The following CAMKMT variants were observed in gnomAD, a reference collection of about 807,000 sequenced individuals.
CAMKMT encodes the protein calmodulin-lysine N-methyltransferase, also known as CaM KMT.
In CAMKMT, 53 loss-of-function variants were observed where a neutral mutation model predicts 48.0. The observed-to-expected ratio is 1.10, with a 90% CI of 0.89 to 1.39. The LOEUF (loss-of-function observed/expected upper bound fraction) is 1.39. Among genes scored for constraint, CAMKMT ranks in the 40% most tolerant of loss-of-function variants. The pLI is 0.00. For synonymous variants in CAMKMT, 165 were observed against 152.3 expected (o/e 1.08, Z -0.61); for missense variants, 428 against 402.7 (o/e 1.06, Z -0.54).
chr2:44,706,453 A>T (rs993065851), intron 5 of CAMKMT, 112 bp downstream of exon 5: 14 of 1,007,380 alleles, frequency 1.4e-5, no homozygotes, highest in Non-Finnish European at 2.2e-5. Context: ...GCTGCGGTCA[A>T]GCTGCCGGGT....
At chr2:44,747,555 G>T (rs1033325893) in intron 8 of CAMKMT, among the ~76,000 whole-genome samples, 4 of 152,222 alleles carry the variant, frequency 2.6e-5, no homozygotes, top group Admixed American at 6.5e-5. Context: ...ATAAAAATCA[G>T]TTGGTAAATA....
intron 3 of CAMKMT, among the ~76,000 whole-genome samples, chr2:44,409,013 A>G (rs1415641934): frequency 6.6e-6 from 1 of 150,926 alleles, no homozygotes; most frequent in Non-Finnish European, 1.5e-5. Context: ...AAGAGTCAGG[A>G]TTACAGGCAT....
In CAMKMT at chr2:44,556,462, T is replaced by TAAAGGATTAATCCGCTAGGCACAGTGGC. The variant is rs1356090739; in HGVS notation, c.377-147821_377-147820insAAAGGATTAATCCGCTAGGCACAGTGGC. 2.3e-3 allele frequency among the ~76,000 whole-genome samples: 111 copies of TAAAGGATTAATCCGCTAGGCACAGTGGC among 47,950 alleles called. 8 individuals are homozygous for TAAAGGATTAATCCGCTAGGCACAGTGGC. The highest frequency in any genetic ancestry group is 3.0e-3 in the South Asian group (4 of 1,320). The allele number at this position is 47,950 out of a possible 152,430, so 31.5% of individuals were successfully genotyped here. A position where few individuals can be genotyped will look rare whatever the true frequency, so the allele number is the denominator to read the frequency against. On this transcript the variant is annotated intron_variant, in intron 3 of 10. Coordinates refer to ENST00000378494, the MANE Select transcript of CAMKMT (RefSeq NM_024766.5). ...CCAATTTTTCTTTCTTTTTTTTTTT[T>TAAAGGATTAATCCGCTAGGCACAGTGGC]TTTTTTTTTTTTTTTTTTGAGACGG...
In CAMKMT at chr2:44,443,350, G is replaced by A. The variant is rs1322854711; in HGVS notation, c.376+53045G>A. Among the ~76,000 whole-genome samples the A allele has an allele frequency of 3.9e-5, 6 of 151,940 alleles. No individual in the cohort carries two copies. The East Asian group carries it at 9.6e-4, about 24-fold the overall frequency. ...AAATTTATTAGTTTTGTAATGCATG[G>A]GTTAATATTACCATTTTTTTATATT... On this transcript the variant is annotated intron_variant, in intron 3 of 10. Coordinates refer to ENST00000378494, the MANE Select transcript of CAMKMT (RefSeq NM_024766.5).
Position 44,430,194 on chromosome 2 carries a change from A to G in CAMKMT, c.376+39889A>G, listed in dbSNP as rs17614671. Among the ~76,000 whole-genome samples, 4,130 of 152,106 alleles carry G rather than the reference A, an allele frequency of 0.027. 317 individuals carry two copies. In the East Asian group the frequency reaches 0.3, roughly 11 times the overall value. ...CTGCCTTGTAGTCTCTGATGTTTCA[A>G]AAGAATCTGCCCAAACATATGATCT... On this transcript the variant is annotated intron_variant, in intron 3 of 10. Coordinates refer to ENST00000378494, the MANE Select transcript of CAMKMT (RefSeq NM_024766.5).
intron 3 of CAMKMT, among the ~76,000 whole-genome samples, chr2:44,410,597 A>C (rs1437929854): frequency 6.6e-6 from 1 of 151,988 alleles, no homozygotes; most frequent in Non-Finnish European, 1.5e-5. Context: ...TGAAAGCCCA[A>C]CATAGACTCT....
chr2:44,371,200 G>T (rs1679145371), intron 1 of CAMKMT, among the ~76,000 whole-genome samples: 1 of 152,128 alleles, frequency 6.6e-6, no homozygotes, highest in Non-Finnish European at 1.5e-5. Context: ...GGCCAGGCTG[G>T]TCTCAAACTC....
chr2:44,760,445 C>T (rs971376935), intron 9 of CAMKMT, among the ~76,000 whole-genome samples: 4 of 151,744 alleles, frequency 2.6e-5, no homozygotes, highest in African/African-American at 7.3e-5. Context: ...CCCGTCTCTA[C>T]TAAAAAATAC....
intron 7 of CAMKMT, among the ~76,000 whole-genome samples, chr2:44,730,549 G>GTC (rs1335068621): frequency 2.0e-5 from 3 of 152,206 alleles, no homozygotes; most frequent in African/African-American, 7.2e-5. Flanking sequence ...AAATTAGGAA[G>GTC]TCAACGGATC....
chr2:44,602,002 A>ATATT (rs1020433536), intron 3 of CAMKMT, among the ~76,000 whole-genome samples: 12 of 151,384 alleles, frequency 7.9e-5, no homozygotes, highest in Non-Finnish European at 1.5e-4. Flanking sequence ...TTTTAAAAAT[A>ATATT]TATTTATTTA....
chr2:44,413,162 G>C (rs574613862), intron 3 of CAMKMT, among the ~76,000 whole-genome samples: 1 of 151,908 alleles, frequency 6.6e-6, no homozygotes, highest in East Asian at 1.9e-4. Flanking sequence ...TTCTCTGGGG[G>C]CTGATTACAA....
At chr2:44,747,290 A>T (rs1351854863) in intron 8 of CAMKMT, among the ~76,000 whole-genome samples, 3 of 151,978 alleles carry the variant, frequency 2.0e-5, no homozygotes, top group African/African-American at 4.8e-5. Context: ...TTTTGTGAAA[A>T]TTTTTTTCCC....
intron 3 of CAMKMT, among the ~76,000 whole-genome samples, chr2:44,564,269 G>A (rs1286428268): frequency 1.3e-5 from 2 of 150,958 alleles, no homozygotes; most frequent in African/African-American, 2.4e-5. Flanking sequence ...TCCGCCTTCC[G>A]GGTTCAAGCG....
At chr2:44,409,102 T>TTGCTAC (rs1682992070) in intron 3 of CAMKMT, among the ~76,000 whole-genome samples, 1 of 3,066 alleles carries the variant, frequency 3.3e-4, no homozygotes, top group East Asian at 0.013. Flanking sequence ...TATATATATA[T>TTGCTAC]ATATATATAT....
intron 3 of CAMKMT, among the ~76,000 whole-genome samples, chr2:44,501,651 T>G (rs1001347165): frequency 2.0e-5 from 3 of 152,160 alleles, no homozygotes; most frequent in Non-Finnish European, 4.4e-5. Context: ...TCGGACAAAT[T>G]GAAACACTGG....
intron 3 of CAMKMT, among the ~76,000 whole-genome samples, chr2:44,614,751 A>G (rs1671775854): frequency 6.6e-6 from 1 of 152,046 alleles, no homozygotes; most frequent in Admixed American, 6.6e-5. Flanking sequence ...CTGTGACTCT[A>G]GAGTGAAAGA....
At chr2:44,404,527 A>T (rs1194349419) in intron 3 of CAMKMT, among the ~76,000 whole-genome samples, 1 of 152,166 alleles carries the variant, frequency 6.6e-6, no homozygotes, top group Non-Finnish European at 1.5e-5. Flanking sequence ...TTAAGCAACT[A>T]GTTCAAAAAT....
intron 7 of CAMKMT, among the ~76,000 whole-genome samples, chr2:44,728,376 T>A (rs986601439): frequency 4.6e-5 from 7 of 152,332 alleles, no homozygotes; most frequent in South Asian, 2.1e-4. Flanking sequence ...TGGTCTGAAG[T>A]TTCCTTTTAT....
chr2:44,382,865 G>GTAA (rs952240476), intron 2 of CAMKMT, among the ~76,000 whole-genome samples: 2 of 152,174 alleles, frequency 1.3e-5, no homozygotes, highest in African/African-American at 4.8e-5. Context: ...TATGGAAAGG[G>GTAA]TAATACAGTT....
Sources: gnomAD v4.1 joint callset for allele counts (sites outside exome capture counted in the v4.1 genomes callset) on GRCh38, gnomAD v4.1.1 for gene constraint, MANE v1.5 for transcripts, NCBI Gene and HGNC (gene_info 2026-07-23, HGNC 2026-07-21) for gene names.